TRPC4: variants seen among roughly 807,000 people sequenced by gnomAD.
TRPC4 encodes the protein transient receptor potential cation channel subfamily C member 4.
Under a neutral mutation model 99.4 loss-of-function variants are expected in TRPC4, and 49 were observed. The ratio of observed to expected loss-of-function variants is 0.49; its 90% CI spans 0.39 to 0.63. The LOEUF (loss-of-function observed/expected upper bound fraction) is 0.63, where lower values mean the gene tolerates loss of function less well. Among genes scored for constraint, TRPC4 ranks in the 20% least tolerant of loss-of-function variants. The pLI, the probability that TRPC4 is intolerant of heterozygous loss-of-function variation, is 0.00. For synonymous variants in TRPC4, 454 were observed against 425.9 expected, an observed-to-expected ratio of 1.07 and a Z score of -0.81; for missense variants, 898 against 1,152.9, an observed-to-expected ratio of 0.78 and a Z score of 3.20.
chr13:37,807,927 G>C (rs979783855), intron 1 of TRPC4, among the ~76,000 whole-genome samples: 6 of 152,062 alleles, frequency 3.9e-5, no homozygotes, highest in African/African-American at 1.4e-4. Flanking sequence ...TTCAAAAGCA[G>C]GTTCTGACAC....
intron 1 of TRPC4, among the ~76,000 whole-genome samples, chr13:37,815,224 T>A (rs1405484682): frequency 6.6e-6 from 1 of 151,820 alleles, no homozygotes; most frequent in Non-Finnish European, 1.5e-5. Context: ...CTATACATAA[T>A]AACTAGCTAA....
intron 3 of TRPC4, among the ~76,000 whole-genome samples, chr13:37,741,986 G>T (rs1955605744): frequency 1.3e-5 from 2 of 151,238 alleles, no homozygotes; most frequent in African/African-American, 4.9e-5. Context: ...GTATTTGGAG[G>T]TTTAATATAA....
At chr13:37,866,412 C>T (rs1282260416) in intron 1 of TRPC4, among the ~76,000 whole-genome samples, 1 of 151,686 alleles carries the variant, frequency 6.6e-6, no homozygotes, top group Non-Finnish European at 1.5e-5. Flanking sequence ...AATTAAACAA[C>T]TTTCAGGAGG....
At chr13:37,774,622 T>C (rs1175446079) in intron 2 of TRPC4, among the ~76,000 whole-genome samples, 2 of 151,700 alleles carry the variant, frequency 1.3e-5, no homozygotes, top group Non-Finnish European at 1.5e-5. Context: ...CAAGTACCTA[T>C]TGGTTATTTT....
chr13:37,799,241 A>T (rs924607515), intron 1 of TRPC4, among the ~76,000 whole-genome samples: 5 of 152,026 alleles, frequency 3.3e-5, no homozygotes, highest in African/African-American at 1.2e-4. Flanking sequence ...GCCTAAAGGG[A>T]AGTAATCTTT....
At chr13:37,774,461 A>G (rs1329455052) in intron 2 of TRPC4, among the ~76,000 whole-genome samples, 1 of 151,864 alleles carries the variant, frequency 6.6e-6, no homozygotes, top group Non-Finnish European at 1.5e-5. Context: ...CACTCTTTTT[A>G]GGTGCTTGAA....
intron 3 of TRPC4, among the ~76,000 whole-genome samples, chr13:37,699,982 C>G (rs1954052769): frequency 6.6e-6 from 1 of 152,034 alleles, no homozygotes; most frequent in South Asian, 2.1e-4. Flanking sequence ...CAACGTTGAA[C>G]TTAGCAAACA....
intron 3 of TRPC4, among the ~76,000 whole-genome samples, chr13:37,700,798 G>A (rs998422431): frequency 2.0e-5 from 3 of 151,992 alleles, no homozygotes; most frequent in African/African-American, 7.2e-5. Flanking sequence ...AATGTGTTAG[G>A]TCCTATAAGC....
intron 1 of TRPC4, among the ~76,000 whole-genome samples, chr13:37,818,852 A>G (rs1379058748): frequency 1.3e-5 from 2 of 152,034 alleles, no homozygotes; most frequent in Admixed American, 1.3e-4. Flanking sequence ...CCTAATGTAG[A>G]TGATGGGTTG....
At chr13:37,708,377 C>T (rs1184049476) in intron 3 of TRPC4, among the ~76,000 whole-genome samples, 1 of 152,028 alleles carries the variant, frequency 6.6e-6, no homozygotes, top group South Asian at 2.1e-4. Context: ...CTTTACAATG[C>T]AATTTTTGGT....
chr13:37,746,564 C>A, intron 2 of TRPC4, 109 bp from the exon 3 acceptor site: 1 of 970,892 alleles, frequency 1.0e-6, no homozygotes, highest in Non-Finnish European at 1.4e-6. Context: ...TGTCCTTGGC[C>A]GGGTTTTTTT....
chr13:37,693,802 A>G (rs1041288148), intron 3 of TRPC4, among the ~76,000 whole-genome samples: 3 of 152,202 alleles, frequency 2.0e-5, no homozygotes, highest in African/African-American at 2.4e-5. Flanking sequence ...GTGGGCAAAT[A>G]AATATGCAAA....
intron 1 of TRPC4, among the ~76,000 whole-genome samples, chr13:37,863,796 G>T (rs1959556953): frequency 6.6e-6 from 1 of 151,612 alleles, no homozygotes; most frequent in South Asian, 2.1e-4. Context: ...CTACTTGAAT[G>T]AACAGTGTGT....
intron 1 of TRPC4, among the ~76,000 whole-genome samples, chr13:37,866,343 TAC>T (rs1959745472): frequency 6.6e-6 from 1 of 151,790 alleles, no homozygotes; most frequent in Non-Finnish European, 1.5e-5. Context: ...GGATATTACA[TAC>T]AGTTTAGTTA....
Position 37,663,417 on chromosome 13 carries a change from T to C in TRPC4, c.1687A>G (p.Thr563Ala), listed in dbSNP as rs888022556. Residue 563 changes from threonine (T) to alanine (A), a missense_variant and splice_region_variant, in exon 6 of 11, where the codon ACG (threonine) becomes GCG (alanine). By Grantham distance (58) the Thr-to-Ala change is moderately conservative. Coordinates refer to ENST00000379705, the MANE Select transcript of TRPC4 (RefSeq NM_016179.4). ...RCEKQNNAFS[T>A]LFETLQSLFW... Reference sequence around the variant, plus strand: ...AGTAGAAATGTCTATTAGACTTACGTTGAAAATGCATTATTCTGCTTTTCA... The same window carrying C: ...AGTAGAAATGTCTATTAGACTTACGCTGAAAATGCATTATTCTGCTTTTCA... 2 of 1,610,198 alleles carry C rather than the reference T, an allele frequency of 1.2e-6. No individual in the cohort carries two copies. The highest frequency in any genetic ancestry group is 2.2e-5 in the East Asian group (1 of 44,842).
At chr13:37,767,111 T>C (rs1009134325) in intron 2 of TRPC4, among the ~76,000 whole-genome samples, 17 of 151,442 alleles carry the variant, frequency 1.1e-4, no homozygotes, top group African/African-American at 4.1e-4. Context: ...CTGAGAAACA[T>C]ATCTATATTT....
chr13:37,747,867 G>A (rs1955829256), intron 2 of TRPC4, among the ~76,000 whole-genome samples: 1 of 152,116 alleles, frequency 6.6e-6, no homozygotes, highest in African/African-American at 2.4e-5. Context: ...TGCCTGTTAA[G>A]ATAGTGTTTT....
At chr13:37,827,417 T>C (rs1390336798) in intron 1 of TRPC4, among the ~76,000 whole-genome samples, 1 of 152,176 alleles carries the variant, frequency 6.6e-6, no homozygotes, top group African/African-American at 2.4e-5. Context: ...CTACTTTTGG[T>C]CTTTGATGAT....
rs1225543293 is a variant in TRPC4, at chr13:37,636,309, T to C, written c.*594A>G. Among the ~76,000 whole-genome samples, 1 of 152,082 alleles carries C rather than the reference T, an allele frequency of 6.6e-6. No homozygotes were observed. Among genetic ancestry groups the C allele is most frequent in the Non-Finnish European group, 1.5e-5 (1 of 67,988 alleles). On this transcript the variant is annotated 3_prime_UTR_variant, in exon 11 of 11. Transcript: ENST00000379705. The stretch of plus-strand genomic sequence containing the variant: ...ACTGAAAGGAAACCCTGGAACAACC[T>C]AAAACACTACAAAGTTTTTCTGAAT...
Sources: gnomAD v4.1 joint callset for allele counts (sites outside exome capture counted in the v4.1 genomes callset) on GRCh38, gnomAD v4.1.1 for gene constraint, MANE v1.5 for transcripts, NCBI Gene and HGNC (gene_info 2026-07-23, HGNC 2026-07-21) for gene names.